The following INPP4B variants were observed in gnomAD, a reference collection of about 807,000 sequenced individuals.
The protein encoded by INPP4B is inositol polyphosphate 4-phosphatase type II.
Under a neutral mutation model 122.5 loss-of-function variants are expected in INPP4B, and 55 were observed. The ratio of observed to expected loss-of-function variants is 0.45; its 90% confidence interval spans 0.36 to 0.56. The LOEUF is 0.56. INPP4B is among the 20% of genes least tolerant of loss of function. The pLI, the probability that INPP4B is intolerant of heterozygous loss-of-function variation, is 0.00. For missense variants in INPP4B, 1,000 were observed against 1,097.7 expected, an observed-to-expected ratio of 0.91 and a Z score of 1.26; for synonymous variants, 403 against 388.7, an observed-to-expected ratio of 1.04 and a Z score of -0.43.
In INPP4B at chr4:142,111,193, G is replaced by A. The variant is rs1351355532; in HGVS notation, c.2276+1349C>T. On this transcript the variant is annotated intron_variant, in intron 22 of 25. Coordinates refer to ENST00000262992, the MANE Select transcript of INPP4B (RefSeq NM_001101669.3). ...GTGGGGCAGGGGTCACTTGGAGAGT[G>A]AATTATAGATAAGAAAGCATGTTAA... Among the ~76,000 whole-genome samples, 32 of 148,382 alleles carry A rather than the reference G, an allele frequency of 2.2e-4. No homozygotes were observed. The Admixed American group carries it at 2.2e-3, about 10-fold the overall frequency.
At position 142,254,737 on chromosome 4, in the gene INPP4B, C is replaced by T. The variant is rs1454808001; in HGVS notation, c.688+5755G>A. On this transcript the variant is annotated intron_variant, in intron 11 of 25. Coordinates refer to ENST00000262992, the MANE Select transcript of INPP4B (RefSeq NM_001101669.3). ...CCAAATCTACGTCTGATTGGTGTAC[C>T]TGAAAGTGACGAGGAGAATGGAACC... is the stretch of plus-strand genomic sequence containing the variant. Among the ~76,000 whole-genome samples, 3 of 152,200 alleles carry T rather than the reference C, an allele frequency of 2.0e-5. No individual in the cohort carries two copies. The East Asian group carries it at 5.8e-4, about 29-fold the overall frequency.
chr4:142,809,547 T>C (rs1779248770), intron 1 of INPP4B, among the ~76,000 whole-genome samples: 1 of 152,180 alleles, frequency 6.6e-6, no homozygotes, highest in African/African-American at 2.4e-5. Context: ...CCATTTGGTA[T>C]AAATGGAGAT....
At chr4:142,355,810 G>A (rs781546688) in intron 7 of INPP4B, among the ~76,000 whole-genome samples, 12 of 151,718 alleles carry the variant, frequency 7.9e-5, no homozygotes, top group Admixed American at 3.9e-4. Context: ...TGAGATGAAC[G>A]AAGTCAAAGC....
intron 1 of INPP4B, among the ~76,000 whole-genome samples, chr4:142,772,762 T>C (rs1171818415): frequency 6.6e-6 from 1 of 152,066 alleles, no homozygotes; most frequent in Admixed American, 6.6e-5. Context: ...AGACACAATC[T>C]GGCCAGGTGT....
chr4:142,736,695 T>G (rs1400725061), intron 1 of INPP4B, among the ~76,000 whole-genome samples: 1 of 152,222 alleles, frequency 6.6e-6, no homozygotes, highest in Non-Finnish European at 1.5e-5. Flanking sequence ...AAGGTGATTT[T>G]GGGCTGAGAC....
At position 142,385,364 on chromosome 4, in the gene INPP4B, C is replaced by T. The variant is rs186129981; in HGVS notation, c.372+17574G>A. ...TTGTATTCTCTAATGATCAGTGATA[C>T]TGAACCTTAAAAAAAAAAAACCACT... On this transcript the variant is annotated intron_variant, in intron 7 of 25. Coordinates refer to ENST00000262992, the MANE Select transcript of INPP4B (RefSeq NM_001101669.3). 7.4e-3 allele frequency among the ~76,000 whole-genome samples: 1,074 copies of T among 145,988 alleles called. 12 individuals carry two copies. Among genetic ancestry groups the T allele is most frequent in the African/African-American group, 0.027 (1,024 of 37,860 alleles).
At chr4:142,644,577 T>A (rs1014088117) in intron 2 of INPP4B, among the ~76,000 whole-genome samples, 4 of 151,142 alleles carry the variant, frequency 2.6e-5, no homozygotes, top group African/African-American at 7.3e-5. Flanking sequence ...CCAGGAAAAA[T>A]TTTTATTCAT....
intron 2 of INPP4B, among the ~76,000 whole-genome samples, chr4:142,571,360 T>G (rs985640093): frequency 2.0e-5 from 3 of 152,152 alleles, no homozygotes; most frequent in African/African-American, 7.2e-5. Flanking sequence ...TACAGTGAAA[T>G]GATTACTGTA....
chr4:142,260,269 C>T (rs1489627261), intron 11 of INPP4B, among the ~76,000 whole-genome samples: 1 of 152,080 alleles, frequency 6.6e-6, no homozygotes, highest in Non-Finnish European at 1.5e-5. Context: ...CGGACGTGAG[C>T]CACCGCGCCT....
intron 7 of INPP4B, among the ~76,000 whole-genome samples, chr4:142,320,578 G>A (rs911232985): frequency 1.3e-5 from 2 of 152,096 alleles, no homozygotes; most frequent in Admixed American, 6.6e-5. Context: ...GGTGATTTCC[G>A]AGATTTTGGT....
At chr4:142,643,178 TG>T (rs1472464074) in intron 2 of INPP4B, among the ~76,000 whole-genome samples, 16 of 152,248 alleles carry the variant, frequency 1.1e-4, no homozygotes, top group African/African-American at 3.6e-4. Flanking sequence ...GCTGAGATGA[TG>T]GGGTTTTCTA....
intron 2 of INPP4B, among the ~76,000 whole-genome samples, chr4:142,629,510 G>A (rs1473629245): frequency 6.6e-6 from 1 of 152,092 alleles, no homozygotes; most frequent in Non-Finnish European, 1.5e-5. Context: ...GTATGCATGA[G>A]TGTGTATGTG....
At chr4:142,133,760 T>C (rs1802509586) in intron 18 of INPP4B, among the ~76,000 whole-genome samples, 1 of 152,176 alleles carries the variant, frequency 6.6e-6, no homozygotes. Context: ...CATTTATGCT[T>C]CAAGGCTGCT....
chr4:142,497,630 TAAAC>T (rs2149806015), intron 2 of INPP4B, among the ~76,000 whole-genome samples: 1 of 152,312 alleles, frequency 6.6e-6, no homozygotes, highest in Non-Finnish European at 1.5e-5. Context: ...GCAGTACACT[TAAAC>T]ATAAGTAAAA....
intron 2 of INPP4B, among the ~76,000 whole-genome samples, chr4:142,594,986 G>C (rs1738384706): frequency 6.7e-6 from 1 of 148,158 alleles, no homozygotes; most frequent in Admixed American, 6.7e-5. Flanking sequence ...AAGAAAGGCA[G>C]AGCATGAATG....
At chr4:142,442,271 A>T (rs1455093003) in intron 3 of INPP4B, among the ~76,000 whole-genome samples, 1 of 151,808 alleles carries the variant, frequency 6.6e-6, no homozygotes, top group East Asian at 1.9e-4. Flanking sequence ...AATTAGCTGG[A>T]CGTGGTGGCA....
At chr4:142,770,837 T>C (rs1029896400) in intron 1 of INPP4B, among the ~76,000 whole-genome samples, 2 of 152,034 alleles carry the variant, frequency 1.3e-5, no homozygotes, top group Admixed American at 1.3e-4. Flanking sequence ...GTGATGTGCA[T>C]AGAGAGCTAC....
chr4:142,268,494 C>T (rs551672850), intron 10 of INPP4B, among the ~76,000 whole-genome samples: 1 of 151,800 alleles, frequency 6.6e-6, no homozygotes, highest in Admixed American at 6.6e-5. Flanking sequence ...TAAAACCCAG[C>T]AATCCCACTC....
chr4:142,584,000 G>A (rs983536556), intron 2 of INPP4B, among the ~76,000 whole-genome samples: 1 of 151,692 alleles, frequency 6.6e-6, no homozygotes, highest in Non-Finnish European at 1.5e-5. Context: ...TCCAGCTCTC[G>A]CCTCTCAGCC....
Sources: allele counts gnomAD v4.1 joint callset (sites outside exome capture counted in the v4.1 genomes callset), GRCh38; gene constraint gnomAD v4.1.1; transcripts MANE v1.5; gene names NCBI Gene and HGNC (gene_info 2026-07-23, HGNC 2026-07-21).